The following ESD variants were observed in gnomAD, a reference collection of about 807,000 sequenced individuals.
The protein encoded by ESD is esterase D.
Under a neutral mutation model 38.1 loss-of-function variants are expected in ESD, and 34 were observed. The observed-to-expected ratio is 0.89, with a 90% CI of 0.68 to 1.19. The LOEUF (loss-of-function observed/expected upper bound fraction) is 1.19, where lower values mean the gene tolerates loss of function less well. ESD is among the 50% of genes most tolerant of loss of function. ESD has a pLI of 0.00. For missense variants in ESD, 334 were observed against 327.2 expected (o/e 1.02, Z -0.16); for synonymous variants, 97 against 107.0 (o/e 0.91, Z 0.58).
chr13:46,775,663 G>C lies in ESD; in HGVS notation c.768+1793C>G, dbSNP rs200164154. On this transcript the variant is annotated intron_variant, in intron 9 of 9. Coordinates refer to ENST00000378720, the MANE Select transcript of ESD (RefSeq NM_001984.2). ...CGAATCTCAACGAAATCCGCTTCAA[G>C]CTATGTAGTCCACTCTTAACCCGAC... The C allele has an allele frequency of 3.9e-3, 1,824 of 470,628 alleles. 31 individuals carry two copies. Among genetic ancestry groups the C allele is most frequent in the South Asian group, 0.022 (1,416 of 64,440 alleles). 29.2% of individuals were successfully genotyped at this position (470,628 alleles called of 1,614,324 possible). A position where few individuals can be genotyped will look rare whatever the true frequency, so the allele number is the denominator to read the frequency against.
At chr13:46,788,661 C>G (rs951519315) in intron 3 of ESD, among the ~76,000 whole-genome samples, 1 of 132,994 alleles carries the variant, frequency 7.5e-6, no homozygotes, top group Non-Finnish European at 1.6e-5. Flanking sequence ...ATGATTAACA[C>G]TTATGTAAAA....
chr13:46,793,441 G>A lies in ESD; in HGVS notation c.-52C>T, dbSNP rs1023479867. 5 of 152,484 alleles carry A rather than the reference G, an allele frequency of 3.3e-5. No individual in the cohort carries two copies. Among genetic ancestry groups the A allele is most frequent in the African/African-American group, 7.2e-5 (3 of 41,412 alleles). 9.4% of individuals were successfully genotyped at this position (152,484 alleles called of 1,614,324 possible). ...TTTTTGCTTGCACCAAATGGTAGGC[G>A]ATTCTGAAAAAAACACCAATGGTTT... On this transcript the variant is annotated 5_prime_UTR_variant, in exon 2 of 10. Coordinates refer to ENST00000378720, the MANE Select transcript of ESD (RefSeq NM_001984.2).
chr13:46,773,460 G>A (rs895646654), intron 9 of ESD, among the ~76,000 whole-genome samples: 3 of 152,176 alleles, frequency 2.0e-5, no homozygotes, highest in African/African-American at 7.2e-5. Context: ...GTCTAACAAA[G>A]ATTTTGTTTT....
chr13:46,781,637 G>A (rs951585627), intron 6 of ESD, 22 bp from the exon 7 acceptor site: 9 of 1,590,744 alleles, frequency 5.7e-6, no homozygotes, highest in Non-Finnish European at 7.7e-6. Flanking sequence ...TTAATAGTGT[G>A]ACAAAAGATA....
intron 3 of ESD, among the ~76,000 whole-genome samples, chr13:46,790,010 T>TA (rs1566283616): frequency 6.4e-5 from 9 of 140,776 alleles, no homozygotes; most frequent in African/African-American, 2.4e-4. Context: ...ATATATATAT[T>TA]TTTTTTTTTT....
intron 6 of ESD, 76 bp downstream of exon 6, chr13:46,782,591 G>T: frequency 6.6e-7 from 1 of 1,519,970 alleles, no homozygotes; most frequent in Admixed American, 1.8e-5. Flanking sequence ...AAAATCCTCA[G>T]GATTGTAAGG....
intron 3 of ESD, among the ~76,000 whole-genome samples, chr13:46,788,039 T>C (rs181743447): frequency 1.3e-5 from 2 of 152,118 alleles, no homozygotes; most frequent in Non-Finnish European, 2.9e-5. Context: ...CCCCTACATT[T>C]CTCCTTCCAC....
chr13:46,782,750 C>T lies in ESD; in HGVS notation c.298G>A (p.Gly100Ser), dbSNP rs759852282. 9 of 1,612,378 alleles carry T rather than the reference C, an allele frequency of 5.6e-6. No individual in the cohort carries two copies. Among genetic ancestry groups the T allele is most frequent in the Non-Finnish European group, 7.6e-6 (9 of 1,178,868 alleles). The change falls in exon 6 of 10, where the codon GGC becomes AGC. Residue 100 changes from glycine to serine, a missense_variant. Physicochemically the swap from Gly to Ser is moderately conservative, Grantham distance 56. Transcript: ENST00000378720. The part of the protein sequence containing the change: ...IKGEDESWDF[G>S]TGAGFYVDAT... ...TCAACATAAAATCCAGCACCAGTGC[C>T]AAAGTCCCAGCTCTCATCTTCACCT...
intron 9 of ESD, among the ~76,000 whole-genome samples, chr13:46,772,468 T>G (rs984116492): frequency 6.6e-6 from 1 of 152,214 alleles, no homozygotes; most frequent in Non-Finnish European, 1.5e-5. Context: ...CAGGAGTACA[T>G]GTGCTGGATA....
upstream of ESD, chr13:46,797,378 A>C (rs1299328708): frequency 6.6e-6 from 1 of 152,394 alleles, no homozygotes; most frequent in Admixed American, 6.5e-5. Context: ...ACTAGGACCA[A>C]CGAGGAGGGC....
rs1875117565 is a variant in ESD, at chr13:46,784,363, A to T, written c.158-13T>A. ...GTGCAAGTTAAACCTGAAGATAAAA[A>T]ATATTGTTATTGGGCACACATGGAC... On this transcript the variant is annotated splice_polypyrimidine_tract_variant and intron_variant, in intron 4 of 9. Transcript: ENST00000378720. The T allele has an allele frequency of 6.4e-7, 1 of 1,567,300 alleles. No individual in the cohort carries two copies. The highest frequency in any genetic ancestry group is 2.2e-5 in the East Asian group (1 of 44,564).
intron 1 of ESD, among the ~76,000 whole-genome samples, chr13:46,795,242 G>A (rs1198966937): frequency 2.0e-5 from 3 of 152,118 alleles, no homozygotes; most frequent in South Asian, 4.1e-4. Flanking sequence ...ATCCCACTAC[G>A]ATCAATCCTG....
upstream of ESD, chr13:46,797,207 C>G (rs111906751): frequency 1.4e-4 from 22 of 152,566 alleles, no homozygotes; most frequent in African/African-American, 4.8e-4. Context: ...ATGCCCCGCC[C>G]CTCCGGTCCC....
At chr13:46,775,508 A>C in intron 9 of ESD, 1 of 378,212 alleles carries the variant, frequency 2.6e-6, no homozygotes, top group Non-Finnish European at 5.4e-6. Context: ...CTTGTAATCA[A>C]ATGATAAAGC....
Position 46,784,333 on chromosome 13 carries a change from G to C in ESD, c.175C>G (p.Gln59Glu). 1.9e-6 allele frequency: 3 copies of C among 1,610,386 alleles called. No homozygotes were observed. The highest frequency in any genetic ancestry group is 2.5e-6 in the Non-Finnish European group (3 of 1,178,374). ...YWLSGLTCTE[Q>E]NFISKSGYHQ... ...TAACCAGATTTTGATATAAAATTTT[G>C]CTCTGTGCAAGTTAAACCTGAAGAT... is the stretch of plus-strand genomic sequence containing the variant. The change falls in exon 5 of 10, where the codon CAA becomes GAA. Residue 59 changes from glutamine to glutamate, a missense_variant. By Grantham distance (29) the Gln-to-Glu change is conservative. Transcript: ENST00000378720.
Position 46,792,360 on chromosome 13 carries a change from G to A in ESD, c.-7-940C>T, listed in dbSNP as rs577082355. Among the ~76,000 whole-genome samples the A allele has an allele frequency of 2.6e-5, 4 of 152,098 alleles. No homozygotes were observed. In the South Asian group the frequency reaches 8.3e-4, roughly 32 times the overall value. ...TTCTCAGAGAAATGCACTACTACAT[G>A]CTAATCAGCTGGAGCTTTAGGATTA... On this transcript the variant is annotated intron_variant, in intron 2 of 9. Transcript: ENST00000378720.
At chr13:46,788,673 CAAAAA>C (rs10599927) in intron 3 of ESD, among the ~76,000 whole-genome samples, 1 of 82,404 alleles carries the variant, frequency 1.2e-5, no homozygotes, top group African/African-American at 3.4e-5. Flanking sequence ...TATGTAAAAG[CAAAAA>C]AAAAAAAAAA....
chr13:46,771,780 A>G (rs1256426177), intron 9 of ESD, among the ~76,000 whole-genome samples: 1 of 151,880 alleles, frequency 6.6e-6, no homozygotes, highest in Non-Finnish European at 1.5e-5. Context: ...TAAAGAGTGG[A>G]AGTAACACAT....
rs773122451 is a variant in ESD, at chr13:46,780,039, G to C, written c.502-6C>G. 4 of 1,560,528 alleles carry C rather than the reference G, an allele frequency of 2.6e-6. No homozygotes were observed. Among genetic ancestry groups the C allele is most frequent in the Non-Finnish European group, 3.5e-6 (4 of 1,149,548 alleles). On this transcript the variant is annotated splice_region_variant and splice_polypyrimidine_tract_variant and intron_variant, in intron 7 of 9. Coordinates refer to ENST00000378720, the MANE Select transcript of ESD (RefSeq NM_001984.2). Reference sequence around the variant, plus strand: ...GGAGCAAATGCTGACACAGACTTCAGAAACAAAAGAAATTTAAAAACAAGT... The same window carrying C: ...GGAGCAAATGCTGACACAGACTTCACAAACAAAAGAAATTTAAAAACAAGT...
Sources: allele counts gnomAD v4.1 joint callset (sites outside exome capture counted in the v4.1 genomes callset), GRCh38; gene constraint gnomAD v4.1.1; transcripts MANE v1.5; gene names NCBI Gene and HGNC (gene_info 2026-07-23, HGNC 2026-07-21).